GSN: variants seen among roughly 807,000 people sequenced by gnomAD.
GSN encodes actin-depolymerizing factor.
GSN carries 56 observed loss-of-function variants against 85.7 expected under a neutral mutation model. That is an observed-to-expected ratio of 0.65 (90% CI 0.53 to 0.82). The LOEUF is 0.82. Ranked by LOEUF, GSN falls within the 40% of genes least tolerant of loss-of-function variation. The pLI is 0.00. For missense variants in GSN, 857 were observed against 979.8 expected (o/e 0.87, Z 1.67); for synonymous variants, 373 against 399.1 (o/e 0.93, Z 0.78).
At chr9:121,314,123 C>A in intron 7 of GSN, 100 bp downstream of exon 7, 1 of 952,824 alleles carries the variant, frequency 1.0e-6, no homozygotes, top group Non-Finnish European at 1.7e-6. Flanking sequence ...TTGAGCAAAG[C>A]ACCCCTTTGG....
Position 121,318,780 on chromosome 9 carries a change from C to G in GSN, c.1091C>G (p.Ala364Gly), listed in dbSNP as rs1368901887. The part of the protein sequence containing the change: ...LGLSYLSSHI[A>G]NVERVPFDAA... ...TTGTCCTACCTTTCCAGCCATATCG[C>G]CAACGTGGAGCGGGTGCCCTTCGAC... Residue 364 changes from alanine to glycine, a missense_variant, in exon 10 of 18, where the codon GCC becomes GGC. Ala to Gly is a moderately conservative substitution (Grantham distance 60). Coordinates refer to ENST00000432226, the MANE Select transcript of GSN (RefSeq NM_198252.3). The surrounding 1 kb of genome is among the most constrained non-coding windows in gnomAD (Gnocchi z 4.3). 1 of 1,614,030 alleles carries G rather than the reference C, an allele frequency of 6.2e-7. No homozygotes were observed. The highest frequency in any genetic ancestry group is 2.2e-5 in the East Asian group (1 of 44,890).
chr9:121,217,320 C>T (rs1439580153), intron 4 of GSN, among the ~76,000 whole-genome samples: 16 of 151,038 alleles, frequency 1.1e-4, no homozygotes, highest in South Asian at 6.3e-4. Context: ...GAGCCAAGAT[C>T]GCACCATTGC....
chr9:121,261,692 G>A lies in GSN; in HGVS notation c.-340-3462G>A, dbSNP rs1218548453. 6.6e-6 allele frequency among the ~76,000 whole-genome samples: 1 copy of A among 152,168 alleles called. No individual in the cohort carries two copies. The highest frequency in any genetic ancestry group is 1.5e-5 in the Non-Finnish European group (1 of 68,042). The stretch of plus-strand genomic sequence containing the variant: ...CTTGGTCTCCCGTAACTCAGTGGAT[G>A]TACCCTGTATCCCTGACACACTGGC... On this transcript the variant is annotated intron_variant, in intron 6 of 24. Transcript: ENST00000373823. This position sits in a 1 kb window ranked among gnomAD's most constrained non-coding sequence, Gnocchi z 4.1.
chr9:121,310,296 A>T, intron 4 of GSN: 1 of 329,742 alleles, frequency 3.0e-6, no homozygotes, highest in Non-Finnish European at 5.9e-6. Context: ...GTCTTAGGGG[A>T]CTAGTGTGCC....
intron 1 of GSN, among the ~76,000 whole-genome samples, chr9:121,272,965 C>G (rs1473724543): frequency 6.6e-6 from 1 of 152,178 alleles, no homozygotes; most frequent in African/African-American, 2.4e-5. Context: ...CTGTCAGGTT[C>G]CTTCCCAGGC....
chr9:121,322,799 G>C (rs2062643335), intron 11 of GSN, among the ~76,000 whole-genome samples: 1 of 150,324 alleles, frequency 6.7e-6, no homozygotes, highest in South Asian at 2.1e-4. Context: ...TTACTATACA[G>C]TCTAAAACTT....
chr9:121,209,768 A>G (rs971453005), intron 2 of GSN, among the ~76,000 whole-genome samples: 1 of 152,262 alleles, frequency 6.6e-6, no homozygotes, highest in Non-Finnish European at 1.5e-5. Flanking sequence ...AAGAGCCAAT[A>G]CATAGCTCCT....
At chr9:121,293,296 G>C (rs893904108) in intron 2 of GSN, among the ~76,000 whole-genome samples, 2 of 152,122 alleles carry the variant, frequency 1.3e-5, no homozygotes, top group Admixed American at 1.3e-4. Context: ...GGGCCTGAAG[G>C]GTTCTTGGAC....
Position 121,332,582 on chromosome 9 carries a change from C to A in GSN, c.2175C>A (p.Ala725=), listed in dbSNP as rs2064078469. Residue 725 remains alanine, a synonymous_variant, in exon 18 of 18, where the codon GCC becomes GCA. Transcript: ENST00000432226. This position sits in a 1 kb window ranked among gnomAD's most constrained non-coding sequence, Gnocchi z 4.8. ...GGTCTGTGGACCCCTTGGACAGGGC[C>A]ATGGCTGAGCTGGCTGCCTGAGGAG... ...DYWSVDPLDR[A]MAELAA is the part of the protein sequence containing the mutation. 6.2e-7 allele frequency: 1 copy of A among 1,613,764 alleles called. No individual in the cohort carries two copies. Among genetic ancestry groups the A allele is most frequent in the Non-Finnish European group, 8.5e-7 (1 of 1,179,932 alleles).
chr9:121,217,649 C>G (rs2132096666), intron 4 of GSN, among the ~76,000 whole-genome samples: 1 of 152,012 alleles, frequency 6.6e-6, no homozygotes, highest in South Asian at 2.1e-4. Context: ...GACCCTGTCT[C>G]TAAATACAGT....
In GSN at chr9:121,261,181, G is replaced by A. The variant is rs752882912; in HGVS notation, c.-340-3973G>A. ...GGGACAGCTGAATGCCTTCTGGTCC[G>A]CTGAGCCCAGAAGAGTGGGGCTGGG... is the stretch of plus-strand genomic sequence containing the variant. On this transcript the variant is annotated intron_variant, in intron 6 of 24. Transcript: ENST00000373823. The surrounding 1 kb of genome is among the most constrained non-coding windows in gnomAD (Gnocchi z 4.1). Among the ~76,000 whole-genome samples, 45 of 152,228 alleles carry A rather than the reference G, an allele frequency of 3.0e-4. No individual in the cohort carries two copies. The highest frequency in any genetic ancestry group is 5.2e-4 in the Admixed American group (8 of 15,290).
At chr9:121,315,740 G>A (rs935967343) in intron 7 of GSN, among the ~76,000 whole-genome samples, 11 of 152,088 alleles carry the variant, frequency 7.2e-5, no homozygotes, top group Non-Finnish European at 1.2e-4. Flanking sequence ...CAGCCTGGGC[G>A]ACAACAGTGA....
chr9:121,307,704 G>A (rs948058129), intron 4 of GSN, among the ~76,000 whole-genome samples: 5 of 152,224 alleles, frequency 3.3e-5, no homozygotes, highest in African/African-American at 7.2e-5. Flanking sequence ...GGCAAAGCTC[G>A]GTAAGTGGCA....
At position 121,329,457 on chromosome 9, in the gene GSN, C is replaced by T; in HGVS notation, c.1965+142C>T. 1.4e-6 allele frequency: 1 copy of T among 693,980 alleles called. No homozygotes were observed. The highest frequency in any genetic ancestry group is 1.5e-5 in the South Asian group (1 of 67,072). 43.0% of individuals were successfully genotyped at this position (693,980 alleles called of 1,614,324 possible). A position where few individuals can be genotyped will look rare whatever the true frequency, so the allele number is the denominator to read the frequency against. ...AAAAGTCTCTAAGGGTACTGGAAGT[C>T]ACTTCTTCTTTCTGAGCTTCCATTT... On this transcript the variant is annotated intron_variant, in intron 16 of 17. Coordinates refer to ENST00000432226, the MANE Select transcript of GSN (RefSeq NM_198252.3). The surrounding 1 kb of genome is among the most constrained non-coding windows in gnomAD (Gnocchi z 4.6).
At chr9:121,314,411 G>C (rs1404334644) in intron 7 of GSN, among the ~76,000 whole-genome samples, 1 of 152,158 alleles carries the variant, frequency 6.6e-6, no homozygotes, top group Non-Finnish European at 1.5e-5. Flanking sequence ...GGAGGTTGGG[G>C]GTGTGGGTTA....
chr9:121,222,180 C>A (rs1413513274), intron 4 of GSN: 1 of 152,132 alleles, frequency 6.6e-6, no homozygotes, highest in East Asian at 1.9e-4. Flanking sequence ...TAACAGGCAA[C>A]TGAAATGTTT....
Position 121,303,014 on chromosome 9 carries a change from C to A in GSN, c.300C>A (p.Gly100=). The part of the protein sequence containing the change: ...GRAVQHREVQ[G]FESATFLGYF... ...CCGTGCAGCACCGTGAGGTCCAGGG[C>A]TTCGAGTCGGCCACCTTCCTAGGCT... Residue 100 remains glycine, a synonymous_variant, in exon 4 of 18, where the codon GGC becomes GGA. Coordinates refer to ENST00000432226, the MANE Select transcript of GSN (RefSeq NM_198252.3). 1 of 1,613,996 alleles carries A rather than the reference C, an allele frequency of 6.2e-7. No individual in the cohort carries two copies. Among genetic ancestry groups the A allele is most frequent in the Non-Finnish European group, 8.5e-7 (1 of 1,180,012 alleles).
chr9:121,275,074 G>A (rs533497699), intron 1 of GSN, among the ~76,000 whole-genome samples: 1 of 152,202 alleles, frequency 6.6e-6, no homozygotes, highest in Admixed American at 6.5e-5. Flanking sequence ...TCTGAAGCTG[G>A]TTATAAAAAG....
chr9:121,277,784 A>G (rs2056852819), intron 1 of GSN, among the ~76,000 whole-genome samples: 1 of 152,202 alleles, frequency 6.6e-6, no homozygotes, highest in South Asian at 2.1e-4. Flanking sequence ...AGAAGTTTTT[A>G]TACTTGAGAT....
Sources: gnomAD v4.1 joint callset for allele counts (sites outside exome capture counted in the v4.1 genomes callset) on GRCh38, gnomAD v4.1.1 for gene constraint, Gnocchi (gnomAD v3.1) non-coding constraint, MANE v1.5 for transcripts, NCBI Gene and HGNC (gene_info 2026-07-23, HGNC 2026-07-21) for gene names.